ZFHX3: variants seen among roughly 807,000 people sequenced by gnomAD.
ZFHX3 encodes zinc finger homeobox protein 3.
In ZFHX3, 42 loss-of-function variants were observed where a neutral mutation model predicts 279.1. The ratio of observed to expected loss-of-function variants is 0.15; its 90% CI spans 0.12 to 0.19. The LOEUF is 0.19. ZFHX3 is among the 10% of genes least tolerant of loss of function. The pLI is 1.00. For missense variants in ZFHX3, 4,981 were observed against 4,754.0 expected, an observed-to-expected ratio of 1.05 and a Z score of -1.40; for synonymous variants, 2,293 against 1,957.8, an observed-to-expected ratio of 1.17 and a Z score of -4.52.
intron 3 of ZFHX3, among the ~76,000 whole-genome samples, chr16:72,904,265 C>G (rs1028401656): frequency 1.3e-5 from 2 of 151,868 alleles, no homozygotes; most frequent in Admixed American, 6.6e-5. Flanking sequence ...ACTTGGGAGG[C>G]TGAGGCAGGA....
intron 2 of ZFHX3, 57 bp from the exon 3 acceptor site, chr16:72,951,022 G>GCTGAGGCACCCCCCAGCC (rs1960971839): frequency 1.3e-6 from 2 of 1,570,198 alleles, no homozygotes; most frequent in South Asian, 2.4e-5. Flanking sequence ...CACGGCCACA[G>GCTGAGGCACCCCCCAGCC]CTGAGGCACC....
At chr16:73,446,401 G>T (rs1436098442) in intron 3 of ZFHX3, among the ~76,000 whole-genome samples, 3 of 152,196 alleles carry the variant, frequency 2.0e-5, no homozygotes, top group Non-Finnish European at 4.4e-5. Context: ...AGGGAGAAGT[G>T]CAGAGTGAAG....
intron 3 of ZFHX3, among the ~76,000 whole-genome samples, chr16:72,906,969 A>C (rs2039191664): frequency 6.6e-6 from 1 of 152,178 alleles, no homozygotes; most frequent in South Asian, 2.1e-4. Context: ...ACAAGTTTTT[A>C]TGTGACGCGT....
chr16:73,053,355 G>A (rs536615791), intron 1 of ZFHX3, among the ~76,000 whole-genome samples: 181 of 152,162 alleles, frequency 1.2e-3, no homozygotes, highest in Non-Finnish European at 2.1e-3. Flanking sequence ...AGGCGGTGGT[G>A]GGGAGGCTGC....
intron 1 of ZFHX3, among the ~76,000 whole-genome samples, chr16:73,854,317 G>A (rs541227171): frequency 1.6e-4 from 25 of 152,302 alleles, no homozygotes; most frequent in Non-Finnish European, 3.1e-4. Flanking sequence ...CCTGAGGTCA[G>A]GAGTTCAAGA....
chr16:73,846,113 C>T (rs1432954392), intron 1 of ZFHX3, among the ~76,000 whole-genome samples: 1 of 152,194 alleles, frequency 6.6e-6, no homozygotes, highest in South Asian at 2.1e-4. Flanking sequence ...AAGCTCTTTA[C>T]TTTGAAAGCA....
At chr16:73,664,162 C>A (rs1007095443) in intron 2 of ZFHX3, among the ~76,000 whole-genome samples, 3 of 152,214 alleles carry the variant, frequency 2.0e-5, no homozygotes, top group Non-Finnish European at 2.9e-5. Context: ...CTGAACCAGG[C>A]ACTGCTGTCA....
At chr16:73,444,300 T>G (rs1359778631) in intron 3 of ZFHX3, among the ~76,000 whole-genome samples, 1 of 152,218 alleles carries the variant, frequency 6.6e-6, no homozygotes, top group Non-Finnish European at 1.5e-5. Context: ...ACACTTGCCT[T>G]TTAAAATAGA....
At chr16:73,568,063 T>A (rs2020474763) in intron 2 of ZFHX3, among the ~76,000 whole-genome samples, 2 of 152,178 alleles carry the variant, frequency 1.3e-5, no homozygotes, top group South Asian at 4.1e-4. Context: ...AAAGTGAATG[T>A]CACAAACACC....
At chr16:73,020,863 G>A (rs373218123) in intron 1 of ZFHX3, among the ~76,000 whole-genome samples, 2 of 151,482 alleles carry the variant, frequency 1.3e-5, no homozygotes, top group Non-Finnish European at 2.9e-5. Flanking sequence ...ACTTCATCCC[G>A]CCCCCCCAAT....
chr16:73,870,015 A>C (rs1278535905), intron 1 of ZFHX3, among the ~76,000 whole-genome samples: 1 of 152,180 alleles, frequency 6.6e-6, no homozygotes, highest in Non-Finnish European at 1.5e-5. Context: ...TAGTTTAATA[A>C]AGCTTCTTGA....
chr16:73,760,838 A>G (rs1484794750), intron 1 of ZFHX3, among the ~76,000 whole-genome samples: 1 of 152,130 alleles, frequency 6.6e-6, no homozygotes, highest in East Asian at 1.9e-4. Flanking sequence ...AAATAATAAG[A>G]GCCATTTATG....
chr16:73,151,700 G>A (rs886289055), intron 5 of ZFHX3, among the ~76,000 whole-genome samples: 1 of 152,222 alleles, frequency 6.6e-6, no homozygotes, highest in East Asian at 1.9e-4. Flanking sequence ...ACGAAGTAGA[G>A]TTGGAGATCT....
intron 8 of ZFHX3, among the ~76,000 whole-genome samples, chr16:73,076,341 A>C (rs1057267617): frequency 6.6e-5 from 10 of 152,212 alleles, no homozygotes; most frequent in African/African-American, 2.4e-4. Context: ...TAAATCTGTT[A>C]GTACTGGGAA....
At chr16:72,977,950 C>T (rs1374311146) in intron 1 of ZFHX3, among the ~76,000 whole-genome samples, 4 of 151,986 alleles carry the variant, frequency 2.6e-5, no homozygotes, top group South Asian at 2.1e-4. Flanking sequence ...CTGCAACCTC[C>T]GCCTCCCAGG....
At chr16:73,817,417 C>A (rs1020174015) in intron 1 of ZFHX3, among the ~76,000 whole-genome samples, 12 of 152,168 alleles carry the variant, frequency 7.9e-5, no homozygotes, top group Admixed American at 5.9e-4. Context: ...TCCTGCAAAC[C>A]TTTTCAAAGA....
chr16:73,106,681 G>A (rs1409870551), intron 7 of ZFHX3, among the ~76,000 whole-genome samples: 1 of 152,226 alleles, frequency 6.6e-6, no homozygotes, highest in Non-Finnish European at 1.5e-5. Flanking sequence ...AATTTGGCCT[G>A]CATAGATGTG....
chr16:73,831,091 C>T (rs2142357977), intron 1 of ZFHX3, among the ~76,000 whole-genome samples: 1 of 152,322 alleles, frequency 6.6e-6, no homozygotes, highest in East Asian at 1.9e-4. Context: ...TAACCATTTT[C>T]AAAAGCAACC....
At chr16:73,638,719 G>A (rs557707705) in intron 2 of ZFHX3, among the ~76,000 whole-genome samples, 1 of 152,288 alleles carries the variant, frequency 6.6e-6, no homozygotes, top group African/African-American at 2.4e-5. Context: ...GCAGGGTCAA[G>A]CATTCACTCA....
Sources: allele counts gnomAD v4.1 joint callset (sites outside exome capture counted in the v4.1 genomes callset), GRCh38; gene constraint gnomAD v4.1.1; transcripts MANE v1.5; gene names NCBI Gene and HGNC (gene_info 2026-07-23, HGNC 2026-07-21).